CALN1: variants seen among roughly 807,000 people sequenced by gnomAD.
CALN1 encodes calcium-binding protein 8.
A neutral mutation model predicts 30.6 loss-of-function variants in CALN1; 17 were observed. That is an observed-to-expected ratio of 0.56 (90% CI 0.38 to 0.83). The LOEUF (loss-of-function observed/expected upper bound fraction) is 0.83, where lower values mean the gene tolerates loss of function less well. Ranked by LOEUF, CALN1 falls within the 40% of genes least tolerant of loss-of-function variation. CALN1 has a pLI of 0.00. For missense variants in CALN1, 291 were observed against 354.9 expected (o/e 0.82, Z 1.45); for synonymous variants, 156 against 131.4 (o/e 1.19, Z -1.28).
At chr7:72,249,130 T>G (rs1347258696) in intron 3 of CALN1, among the ~76,000 whole-genome samples, 3 of 152,208 alleles carry the variant, frequency 2.0e-5, no homozygotes, top group Non-Finnish European at 4.4e-5. Context: ...CTGACCTGAT[T>G]AGACACAGAC....
intron 6 of CALN1, among the ~76,000 whole-genome samples, chr7:71,807,210 C>T (rs565755322): frequency 2.6e-4 from 39 of 152,254 alleles, no homozygotes; most frequent in South Asian, 2.1e-4. Context: ...AAAATGCCAA[C>T]GGGCCCCCGT....
At chr7:72,286,097 C>CA (rs1798062564) in intron 2 of CALN1, among the ~76,000 whole-genome samples, 1 of 152,178 alleles carries the variant, frequency 6.6e-6, no homozygotes, top group Non-Finnish European at 1.5e-5. Context: ...ATCAGTGGTG[C>CA]AGCCTTGAAG....
At chr7:72,151,295 C>G (rs570314855) in intron 3 of CALN1, among the ~76,000 whole-genome samples, 1 of 152,116 alleles carries the variant, frequency 6.6e-6, no homozygotes, top group African/African-American at 2.4e-5. Context: ...CGTTCCTTGG[C>G]TTGTAGATCT....
chr7:72,451,254 G>GAGA (rs1167688252), upstream of CALN1, among the ~76,000 whole-genome samples: 1 of 79,652 alleles, frequency 1.3e-5, no homozygotes, highest in Non-Finnish European at 2.6e-5. Flanking sequence ...AGAGGAGGAA[G>GAGA]AGGAGGAGGA....
chr7:71,828,036 G>A (rs575519710), intron 5 of CALN1, among the ~76,000 whole-genome samples: 2 of 152,158 alleles, frequency 1.3e-5, no homozygotes, highest in East Asian at 1.9e-4. Flanking sequence ...CCAGATAAAC[G>A]TTTCTCCTTT....
rs142719841 is a variant in CALN1, at chr7:72,125,214, C to T, written c.245-18920G>A. On this transcript the variant is annotated intron_variant, in intron 3 of 6. Transcript: ENST00000395275. ...TTTTTTGGTAGAGATGGGGTTTCAT[C>T]ATGTTGGCCAGGCTGGTCTCAAACT... Among the ~76,000 whole-genome samples the T allele has an allele frequency of 1.9e-3, 285 of 152,246 alleles. 8 individuals are homozygous for T. The East Asian group carries it at 0.045, about 24-fold the overall frequency.
At chr7:72,089,045 T>C (rs1328571100) in intron 4 of CALN1, among the ~76,000 whole-genome samples, 1 of 152,012 alleles carries the variant, frequency 6.6e-6, no homozygotes, top group Admixed American at 6.6e-5. Flanking sequence ...TAAAGACAGA[T>C]ATAGAGACAA....
At chr7:72,241,670 C>T (rs1157819253) in intron 3 of CALN1, among the ~76,000 whole-genome samples, 1 of 151,920 alleles carries the variant, frequency 6.6e-6, no homozygotes, top group African/African-American at 2.4e-5. Context: ...CACGCCATTG[C>T]ACTCCAGCCT....
intron 2 of CALN1, among the ~76,000 whole-genome samples, chr7:72,332,716 T>G (rs1459612477): frequency 6.6e-6 from 1 of 152,126 alleles, no homozygotes; most frequent in Non-Finnish European, 1.5e-5. Context: ...GTATTCTTAA[T>G]GCGATCTTTA....
intron 2 of CALN1, among the ~76,000 whole-genome samples, chr7:72,381,462 T>A (rs1271921973): frequency 1.3e-5 from 2 of 152,134 alleles, no homozygotes; most frequent in African/African-American, 2.4e-5. Flanking sequence ...GTAGACTGGA[T>A]AAAGAAAATG....
chr7:72,157,031 C>T (rs780395118), intron 3 of CALN1, among the ~76,000 whole-genome samples: 1 of 152,144 alleles, frequency 6.6e-6, no homozygotes, highest in Non-Finnish European at 1.5e-5. Context: ...ACATAAACGC[C>T]AGTCAAATTG....
rs953206894 is a variant in CALN1, at chr7:71,782,909, A to G, written c.*4866T>C. On this transcript the variant is annotated 3_prime_UTR_variant, in exon 7 of 7. Coordinates refer to ENST00000395275, the MANE Select transcript of CALN1 (RefSeq NM_031468.4). Reference sequence around the variant, plus strand: ...AGGTGCCCGACACCATGCTTGGCTAATTTTTGTATTTTTTTTTTTTAGTAG... The same window carrying G: ...AGGTGCCCGACACCATGCTTGGCTAGTTTTTGTATTTTTTTTTTTTAGTAG... The G allele has an allele frequency of 1.3e-5, 2 of 151,296 alleles. No homozygotes were observed. Among genetic ancestry groups the G allele is most frequent in the Admixed American group, 1.3e-4 (2 of 15,196 alleles). 9.4% of individuals were successfully genotyped at this position (151,296 alleles called of 1,614,324 possible).
intron 5 of CALN1, among the ~76,000 whole-genome samples, chr7:71,871,046 A>AAAAAAAG (rs1262691562): frequency 6.6e-6 from 1 of 152,162 alleles, no homozygotes; most frequent in Non-Finnish European, 1.5e-5. Flanking sequence ...TGATTAAGCA[A>AAAAAAAG]AAAAAAGAAA....
intron 3 of CALN1, among the ~76,000 whole-genome samples, chr7:72,133,886 T>G (rs1434060594): frequency 6.6e-6 from 1 of 152,208 alleles, no homozygotes; most frequent in Non-Finnish European, 1.5e-5. Context: ...ATAACTGGCC[T>G]GTAACCTTAA....
intron 3 of CALN1, among the ~76,000 whole-genome samples, chr7:72,266,951 T>C (rs1381134497): frequency 6.6e-6 from 1 of 152,152 alleles, no homozygotes; most frequent in Non-Finnish European, 1.5e-5. Flanking sequence ...AAGACGTATG[T>C]TGTAAAGCTA....
chr7:72,208,096 T>C (rs2129547955), intron 3 of CALN1, among the ~76,000 whole-genome samples: 1 of 152,248 alleles, frequency 6.6e-6, no homozygotes, highest in East Asian at 1.9e-4. Flanking sequence ...ACATTTTAAA[T>C]TGAGAAATAG....
At chr7:72,440,015 A>G (rs1040798469) in intron 1 of CALN1, among the ~76,000 whole-genome samples, 1 of 152,216 alleles carries the variant, frequency 6.6e-6, no homozygotes, top group African/African-American at 2.4e-5. Context: ...AAATTGTTCA[A>G]GGATCAACTG....
intron 6 of CALN1, among the ~76,000 whole-genome samples, chr7:71,789,744 C>T (rs1793207300): frequency 6.6e-6 from 1 of 152,066 alleles, no homozygotes; most frequent in South Asian, 2.1e-4. Context: ...CCATGAGAAA[C>T]CATGTATAGG....
chr7:72,315,764 G>A lies in CALN1; in HGVS notation c.120-36954C>T, dbSNP rs75325645. 1.8e-4 allele frequency among the ~76,000 whole-genome samples: 28 copies of A among 152,130 alleles called. 1 individual carries two copies. In the East Asian group the frequency reaches 5.2e-3, roughly 28 times the overall value. Reference sequence around the variant, plus strand: ...TAGCAGACATTGGTAAGGATGGATAGAAATAAAGCCTCTTTTCATTGCTGC... The same window carrying A: ...TAGCAGACATTGGTAAGGATGGATAAAAATAAAGCCTCTTTTCATTGCTGC... On this transcript the variant is annotated intron_variant, in intron 2 of 6. Transcript: ENST00000395275.
Sources: allele counts gnomAD v4.1 joint callset (sites outside exome capture counted in the v4.1 genomes callset), GRCh38; gene constraint gnomAD v4.1.1; transcripts MANE v1.5; gene names NCBI Gene and HGNC (gene_info 2026-07-23, HGNC 2026-07-21).